The following ERI3 variants were observed in gnomAD, a reference collection of about 807,000 sequenced individuals.
ERI3 encodes the protein ERI1 exoribonuclease family member 3, also known as ERI1 exoribonuclease 3.
In ERI3, 18 loss-of-function variants were observed where a neutral mutation model predicts 44.4. The ratio of observed to expected loss-of-function variants is 0.41; its 90% confidence interval spans 0.28 to 0.60. The LOEUF (loss-of-function observed/expected upper bound fraction) is 0.60, where lower values mean the gene tolerates loss of function less well. Among genes scored for constraint, ERI3 ranks in the 20% least tolerant of loss-of-function variants. ERI3 has a pLI of 0.36. For synonymous variants in ERI3, 183 were observed against 164.8 expected, an observed-to-expected ratio of 1.11 and a Z score of -0.84; for missense variants, 294 against 435.5, an observed-to-expected ratio of 0.68 and a Z score of 2.89.
chr1:44,269,334 G>A (rs745431957), intron 7 of ERI3, among the ~76,000 whole-genome samples: 4 of 152,264 alleles, frequency 2.6e-5, no homozygotes, highest in Admixed American at 6.5e-5. Context: ...AGTTTCTAGC[G>A]TCAAGTTCAG....
chr1:44,293,063 C>G (rs1233300255), intron 6 of ERI3, among the ~76,000 whole-genome samples: 2 of 152,270 alleles, frequency 1.3e-5, no homozygotes, highest in African/African-American at 4.8e-5. Flanking sequence ...CCACCAACAG[C>G]CAGGCTTCAG....
intron 3 of ERI3, among the ~76,000 whole-genome samples, chr1:44,326,860 G>T (rs978935448): frequency 6.6e-6 from 1 of 152,202 alleles, no homozygotes; most frequent in African/African-American, 2.4e-5. Flanking sequence ...TTTATTTGAG[G>T]AGAGTATGGG....
At chr1:44,233,898 T>C (rs1364278393) in intron 8 of ERI3, among the ~76,000 whole-genome samples, 2 of 152,210 alleles carry the variant, frequency 1.3e-5, no homozygotes, top group Admixed American at 6.5e-5. Flanking sequence ...ATCACTGCTC[T>C]ACCAACACTG....
intron 3 of ERI3, among the ~76,000 whole-genome samples, chr1:44,338,244 T>C (rs888652927): frequency 1.3e-5 from 2 of 152,180 alleles, no homozygotes; most frequent in African/African-American, 4.8e-5. Flanking sequence ...TCAATAATCA[T>C]TTGTTATCCC....
At chr1:44,226,845 C>T (rs1035647388) in intron 8 of ERI3, among the ~76,000 whole-genome samples, 1 of 150,740 alleles carries the variant, frequency 6.6e-6, no homozygotes, top group Non-Finnish European at 1.5e-5. Flanking sequence ...CTAATACTTT[C>T]AGTTTTTTTA....
At chr1:44,332,956 C>T (rs534513694) in intron 3 of ERI3, among the ~76,000 whole-genome samples, 18 of 152,326 alleles carry the variant, frequency 1.2e-4, no homozygotes, top group Admixed American at 3.9e-4. Context: ...TATAGTGACC[C>T]TGAAAGAAGA....
At chr1:44,247,667 A>G (rs747307195) in intron 8 of ERI3, among the ~76,000 whole-genome samples, 1 of 152,140 alleles carries the variant, frequency 6.6e-6, no homozygotes, top group African/African-American at 2.4e-5. Flanking sequence ...CAGCCAGTGA[A>G]GGAGGACCTT....
Position 44,315,967 on chromosome 1 carries a change from CAT to C in ERI3, c.607-2741_607-2740del, listed in dbSNP as rs746415090. 2.7e-4 allele frequency among the ~76,000 whole-genome samples: 40 copies of C among 145,844 alleles called. 1 individual carries two copies. In the South Asian group the frequency reaches 7.2e-3, roughly 26 times the overall value. ...AAGAATTTGAGACCAGCTTATGCAA[CAT>C]AGAGAGACCCCATCTTTTTTTTTTT... is the stretch of plus-strand genomic sequence containing the variant. On this transcript the variant is annotated intron_variant, in intron 4 of 8. Transcript: ENST00000372257.
intron 3 of ERI3, chr1:44,322,848 C>G: frequency 6.5e-7 from 1 of 1,548,084 alleles, no homozygotes; most frequent in South Asian, 1.2e-5. Context: ...GCAGCCAGGG[C>G]ACCTGAAGCA....
intron 6 of ERI3, among the ~76,000 whole-genome samples, chr1:44,293,371 G>T (rs1245585692): frequency 6.6e-6 from 1 of 152,192 alleles, no homozygotes; most frequent in Non-Finnish European, 1.5e-5. Context: ...CAAGGTCTTG[G>T]GATGCCTTGT....
chr1:44,294,086 A>AG (rs1645562659), intron 6 of ERI3, among the ~76,000 whole-genome samples: 1 of 152,240 alleles, frequency 6.6e-6, no homozygotes, highest in African/African-American at 2.4e-5. Flanking sequence ...CCTGCTGTGC[A>AG]GGGGGCAAAT....
At chr1:44,314,970 T>TC (rs1646056454) in intron 4 of ERI3, among the ~76,000 whole-genome samples, 1 of 151,404 alleles carries the variant, frequency 6.6e-6, no homozygotes, top group East Asian at 1.9e-4. Context: ...CCAAAGAGAG[T>TC]CAGGAGGAGG....
intron 2 of ERI3, among the ~76,000 whole-genome samples, chr1:44,348,064 T>C (rs1274381953): frequency 6.6e-6 from 1 of 152,144 alleles, no homozygotes; most frequent in East Asian, 1.9e-4. Context: ...GCTAAATGAA[T>C]TAATATGCCC....
intron 8 of ERI3, among the ~76,000 whole-genome samples, chr1:44,245,295 A>G (rs1053288920): frequency 1.3e-5 from 2 of 151,918 alleles, no homozygotes; most frequent in African/African-American, 4.8e-5. Context: ...CTCCCTTCCA[A>G]GCACCCTCAC....
intron 7 of ERI3, among the ~76,000 whole-genome samples, chr1:44,263,924 T>C (rs1239379691): frequency 6.6e-6 from 1 of 152,192 alleles, no homozygotes; most frequent in East Asian, 1.9e-4. Flanking sequence ...GTAGGGGACA[T>C]GTCTGGGGAT....
chr1:44,348,422 A>G (rs1646827109), intron 2 of ERI3, among the ~76,000 whole-genome samples: 3 of 152,220 alleles, frequency 2.0e-5, no homozygotes, highest in Non-Finnish European at 4.4e-5. Context: ...GAGGGTCTGA[A>G]CAGGCATACT....
intron 3 of ERI3, among the ~76,000 whole-genome samples, chr1:44,333,253 T>C (rs1646467761): frequency 6.6e-6 from 1 of 152,274 alleles, no homozygotes; most frequent in African/African-American, 2.4e-5. Context: ...TTGGTGCATT[T>C]AATCTCAACC....
chr1:44,354,428 GC>G, intron 1 of ERI3: 12 of 985,376 alleles, frequency 1.2e-5, no homozygotes, highest in Non-Finnish European at 1.4e-5. Context: ...CCAAGTTCAT[GC>G]TTTTTTTAAG....
intron 5 of ERI3, among the ~76,000 whole-genome samples, chr1:44,310,546 G>A (rs1389909711): frequency 6.6e-6 from 1 of 152,184 alleles, no homozygotes; most frequent in Non-Finnish European, 1.5e-5. Flanking sequence ...GACAAAGGCT[G>A]GAGGACTAGG....
Sources: allele counts gnomAD v4.1 joint callset (sites outside exome capture counted in the v4.1 genomes callset), GRCh38; gene constraint gnomAD v4.1.1; transcripts MANE v1.5; gene names NCBI Gene and HGNC (gene_info 2026-07-23, HGNC 2026-07-21).